Variants in SIRT1 observed in about 807,000 individuals in gnomAD.
SIRT1 encodes NAD-dependent protein deacetylase sirtuin-1.
SIRT1 carries 24 observed loss-of-function variants against 67.9 expected under a neutral mutation model. The observed-to-expected ratio is 0.35, with a 90% CI of 0.26 to 0.50. The LOEUF (loss-of-function observed/expected upper bound fraction) is 0.50, where lower values mean the gene tolerates loss of function less well. Ranked by LOEUF, SIRT1 falls within the 20% of genes least tolerant of loss-of-function variation. The pLI is 0.98. For synonymous variants in SIRT1, 378 were observed against 350.7 expected (o/e 1.08, Z -0.87); for missense variants, 873 against 937.2 (o/e 0.93, Z 0.89).
chr10:67,884,889 A>C lies in SIRT1; in HGVS notation c.168A>C (p.Pro56=). ...CGGGCGAGCCCGGTGGGGCGGCCCC[A>C]GAGCGTGAGGTGCCGGCGGCGGCCA... ...RSPGEPGGAA[P]EREVPAAARG... Residue 56 remains proline (P), a synonymous_variant, in exon 1 of 9, where the codon CCA becomes CCC. Coordinates refer to ENST00000212015, the MANE Select transcript of SIRT1 (RefSeq NM_012238.5). 8.2e-7 allele frequency: 1 copy of C among 1,215,410 alleles called. No homozygotes were observed. The highest frequency in any genetic ancestry group is 1.0e-6 in the Non-Finnish European group (1 of 977,938). The allele number at this position is 1,215,410 out of a possible 1,614,324, so 75.3% of individuals were successfully genotyped here.
At chr10:67,891,875 AT>A (rs985022205) in intron 4 of SIRT1, among the ~76,000 whole-genome samples, 5 of 152,192 alleles carry the variant, frequency 3.3e-5, no homozygotes, top group African/African-American at 1.2e-4. Context: ...GTGATTTTTA[AT>A]ATTTTATTAG....
intron 4 of SIRT1, among the ~76,000 whole-genome samples, chr10:67,893,067 CTT>C (rs1453386046): frequency 1.3e-5 from 2 of 152,194 alleles, no homozygotes; most frequent in East Asian, 3.9e-4. Context: ...GTATTTCAGT[CTT>C]TTGGAAAGAA....
intron 8 of SIRT1, among the ~76,000 whole-genome samples, chr10:67,914,153 C>T (rs1023263839): frequency 1.4e-5 from 2 of 145,322 alleles, no homozygotes; most frequent in African/African-American, 2.5e-5. Context: ...CTCACTGCAA[C>T]CTCTGCGTCC....
In SIRT1 at chr10:67,884,757, C is replaced by G; in HGVS notation, c.36C>G (p.Gly12=). The G allele has an allele frequency of 3.3e-6, 4 of 1,228,264 alleles. No individual in the cohort carries two copies. Among genetic ancestry groups the G allele is most frequent in the Middle Eastern group, 3.1e-4 (1 of 3,196 alleles). 76.1% of individuals were successfully genotyped at this position (1,228,264 alleles called of 1,614,324 possible). ...AGGCGGCCCTCGCCCTTCAGCCCGGCGGCTCCCCCTCGGCGGCGGGGGCCG... is the reference window on the plus strand; with the variant it reads ...AGGCGGCCCTCGCCCTTCAGCCCGGGGGCTCCCCCTCGGCGGCGGGGGCCG... ...ADEAALALQP[G]GSPSAAGADR... Residue 12 remains glycine (G), a synonymous_variant, in exon 1 of 9, where the codon GGC becomes GGG. Coordinates refer to ENST00000212015, the MANE Select transcript of SIRT1 (RefSeq NM_012238.5).
chr10:67,893,511 T>C (rs1255685261), intron 4 of SIRT1, among the ~76,000 whole-genome samples: 1 of 152,162 alleles, frequency 6.6e-6, no homozygotes, highest in African/African-American at 2.4e-5. Flanking sequence ...TAGGGACTTC[T>C]TTAATGAATC....
intron 2 of SIRT1, among the ~76,000 whole-genome samples, chr10:67,887,984 A>C (rs1039460175): frequency 6.6e-6 from 1 of 152,166 alleles, no homozygotes; most frequent in Non-Finnish European, 1.5e-5. Flanking sequence ...ACTTCTTGAA[A>C]AGCTCTGTAT....
intron 3 of SIRT1, 53 bp from the exon 4 acceptor site, chr10:67,891,349 T>C (rs1249513498): frequency 6.5e-7 from 1 of 1,542,482 alleles, no homozygotes; most frequent in Non-Finnish European, 8.9e-7. Flanking sequence ...AGCTAGCTAG[T>C]TCCTATAAAG....
In SIRT1 at chr10:67,911,944, A is replaced by G. The variant is rs917776594; in HGVS notation, c.1358-530A>G. Among the ~76,000 whole-genome samples, 4 of 151,928 alleles carry G rather than the reference A, an allele frequency of 2.6e-5. No homozygotes were observed. The East Asian group carries it at 7.8e-4, about 30-fold the overall frequency. On this transcript the variant is annotated intron_variant, in intron 7 of 8. Coordinates refer to ENST00000212015, the MANE Select transcript of SIRT1 (RefSeq NM_012238.5). ...CACGCCCGGCTAATTTTGTGTTTTT[A>G]GTAGAGATGGGGTTTCACCATGTTG... is the stretch of plus-strand genomic sequence containing the variant.
At chr10:67,892,915 A>T (rs1413944175) in intron 4 of SIRT1, among the ~76,000 whole-genome samples, 1 of 152,192 alleles carries the variant, frequency 6.6e-6, no homozygotes, top group Non-Finnish European at 1.5e-5. Context: ...TTTCACCTTA[A>T]TGTGGTTACT....
intron 4 of SIRT1, among the ~76,000 whole-genome samples, chr10:67,894,022 C>T (rs907141546): frequency 3.9e-5 from 6 of 152,116 alleles, no homozygotes; most frequent in Admixed American, 6.6e-5. Context: ...TGCCTATAAT[C>T]CCAGTGCTTT....
intron 3 of SIRT1, among the ~76,000 whole-genome samples, chr10:67,891,044 C>CA (rs535108082): frequency 5.6e-4 from 70 of 126,032 alleles, no homozygotes; most frequent in African/African-American, 7.6e-4. Context: ...AAAAAAAAAA[C>CA]AAAAAAAAAA....
chr10:67,893,164 A>G (rs1458356485), intron 4 of SIRT1, among the ~76,000 whole-genome samples: 2 of 152,212 alleles, frequency 1.3e-5, no homozygotes, highest in African/African-American at 4.8e-5. Flanking sequence ...GTGCCGGGAT[A>G]CATGTGCAGA....
chr10:67,918,339 C>T lies in SIRT1; in HGVS notation c.*1746C>T, dbSNP rs1434694815. 1 of 152,546 alleles carries T rather than the reference C, an allele frequency of 6.6e-6. No homozygotes were observed. Among genetic ancestry groups the T allele is most frequent in the Admixed American group, 6.6e-5 (1 of 15,262 alleles). 9.4% of individuals were successfully genotyped at this position (152,546 alleles called of 1,614,324 possible). On this transcript the variant is annotated 3_prime_UTR_variant, in exon 9 of 9. Transcript: ENST00000212015. Reference sequence around the variant, plus strand: ...ACAAAACCAGTGTTTTTTACTTGTACACTGTTTTAAAGTCTATTAAAATTG... The same window carrying T: ...ACAAAACCAGTGTTTTTTACTTGTATACTGTTTTAAAGTCTATTAAAATTG...
chr10:67,902,421 C>G (rs1842758617), intron 4 of SIRT1, among the ~76,000 whole-genome samples: 1 of 152,200 alleles, frequency 6.6e-6, no homozygotes, highest in Admixed American at 6.5e-5. Context: ...AGAACTGTTT[C>G]ATGACACTTG....
intron 4 of SIRT1, among the ~76,000 whole-genome samples, chr10:67,893,608 T>A (rs1327895793): frequency 6.6e-6 from 1 of 151,100 alleles, no homozygotes; most frequent in Non-Finnish European, 1.5e-5. Context: ...AGTGGTGTGA[T>A]CTCTGCTCAC....
chr10:67,909,919 C>G (rs1842873721), intron 7 of SIRT1, among the ~76,000 whole-genome samples: 1 of 151,944 alleles, frequency 6.6e-6, no homozygotes. Flanking sequence ...GTTGTGTTGC[C>G]CAGGCTGGAT....
intron 4 of SIRT1, among the ~76,000 whole-genome samples, chr10:67,902,061 T>C (rs1170468382): frequency 6.6e-6 from 1 of 152,246 alleles, no homozygotes; most frequent in Non-Finnish European, 1.5e-5. Context: ...CTATCTTGGC[T>C]CACTGCAACC....
intron 4 of SIRT1, among the ~76,000 whole-genome samples, chr10:67,900,141 TTTTATTTA>T (rs1009928072): frequency 6.6e-6 from 1 of 152,046 alleles, no homozygotes; most frequent in Non-Finnish European, 1.5e-5. Flanking sequence ...CAGCTTTATT[TTTTATTTA>T]TTTATTTATT....
rs200902165 is a variant in SIRT1, at chr10:67,891,534, C to G, written c.922C>G (p.Pro308Ala). 5.0e-6 allele frequency: 8 copies of G among 1,613,964 alleles called. No individual in the cohort carries two copies. The highest frequency in any genetic ancestry group is 1.7e-5 in the Admixed American group (1 of 59,984). Residue 308 changes from proline to alanine, a missense_variant, in exon 4 of 9, where the codon CCA becomes GCA. Pro to Ala is a conservative substitution (Grantham distance 27). Around this residue, in one of 3 missense-constraint regions of SIRT1, gnomAD observed 251 missense variants for 358.8 expected, o/e 0.70. Transcript: ENST00000212015. ...TGAATATTTCAGAAAAGATCCAAGACCATTCTTCAAGTTTGCAAAGGTACT... is the reference window on the plus strand; with the variant it reads ...TGAATATTTCAGAAAAGATCCAAGAGCATTCTTCAAGTTTGCAAAGGTACT... ...DIEYFRKDPR[P>A]FFKFAKEIYP... is the part of the protein sequence containing the mutation.
Sources: allele counts gnomAD v4.1 joint callset (sites outside exome capture counted in the v4.1 genomes callset), GRCh38; gene constraint gnomAD v4.1.1; regional missense constraint gnomAD v4.1.1; transcripts MANE v1.5; gene names NCBI Gene and HGNC (gene_info 2026-07-23, HGNC 2026-07-21).